The following PEX11G variants were observed in gnomAD, a reference collection of about 807,000 sequenced individuals.
PEX11G encodes peroxisomal membrane protein 11C.
Under a neutral mutation model 22.5 loss-of-function variants are expected in PEX11G, and 20 were observed. The ratio of observed to expected loss-of-function variants is 0.89; its 90% CI spans 0.62 to 1.29. PEX11G has a LOEUF of 1.29. PEX11G is among the 50% of genes most tolerant of loss of function. The pLI, the probability that PEX11G is intolerant of heterozygous loss-of-function variation, is 0.00. For missense variants in PEX11G, 347 were observed against 331.3 expected, an observed-to-expected ratio of 1.05 and a Z score of -0.37; for synonymous variants, 141 against 154.5, an observed-to-expected ratio of 0.91 and a Z score of 0.65.
intron 4 of PEX11G, among the ~76,000 whole-genome samples, chr19:7,477,753 G>A (rs992672577): frequency 6.6e-6 from 1 of 152,242 alleles, no homozygotes; most frequent in Non-Finnish European, 1.5e-5. Flanking sequence ...TGGAGGGAAG[G>A]GGGAACCCCC....
chr19:7,477,384 C>A lies in PEX11G; in HGVS notation c.544G>T (p.Ala182Ser). The A allele has an allele frequency of 1.3e-6, 2 of 1,548,700 alleles. No homozygotes were observed. Among genetic ancestry groups the A allele is most frequent in the Admixed American group, 2.0e-5 (1 of 50,422 alleles). Reference sequence around the variant, plus strand: ...GCCAGGTTGCTGAGAAGTGACAGCGCCTCCGACTGCATCTGCGCCTCCATG... The same window carrying A: ...GCCAGGTTGCTGAGAAGTGACAGCGACTCCGACTGCATCTGCGCCTCCATG... ...RAMEAQMQSE[A>S]LSLLSNLADL... The change falls in exon 5 of 5, where the codon GCG (alanine) becomes TCG (serine). Residue 182 changes from alanine (A) to serine (S), a missense_variant. Ala to Ser is a moderately conservative substitution (Grantham distance 99). Transcript: ENST00000221480.
At chr19:7,489,354 G>C, upstream of PEX11G, 1 of 1,095,498 alleles carries the variant, frequency 9.1e-7, no homozygotes, top group Non-Finnish European at 1.1e-6. Flanking sequence ...CAACCTGTTC[G>C]CAGTGGTTCA....
intron 3 of PEX11G, among the ~76,000 whole-genome samples, chr19:7,478,840 C>T (rs1599207442): frequency 6.6e-6 from 1 of 152,242 alleles, no homozygotes; most frequent in Non-Finnish European, 1.5e-5. Flanking sequence ...TGCACACACA[C>T]CCCGGACATT....
upstream of PEX11G, among the ~76,000 whole-genome samples, chr19:7,490,273 T>C (rs1228543274): frequency 6.6e-6 from 1 of 152,182 alleles, no homozygotes; most frequent in African/African-American, 2.4e-5. Context: ...TCTCTTGGCA[T>C]CTCCCATGTA....
rs367893767 is a variant in PEX11G at position 7,477,191 on chromosome 19, T to C, written c.*11A>G. On this transcript the variant is annotated 3_prime_UTR_variant, in exon 5 of 5. Coordinates refer to ENST00000221480, the MANE Select transcript of PEX11G (RefSeq NM_080662.4). ...GGGCTCTGGCTGTGTCCCTGTGCTC[T>C]TCCGGCAGTGTCAGGGGGTAGTGGC... 12 of 1,466,390 alleles carry C rather than the reference T, an allele frequency of 8.2e-6. No homozygotes were observed. In the African/African-American group the frequency reaches 1.4e-4, roughly 18 times the overall value. The allele number at this position is 1,466,390 out of a possible 1,614,324, so 90.8% of individuals were successfully genotyped here.
intron 1 of PEX11G, among the ~76,000 whole-genome samples, chr19:7,487,751 C>T (rs1283335550): frequency 6.6e-6 from 1 of 152,156 alleles, no homozygotes; most frequent in Non-Finnish European, 1.5e-5. Context: ...ACCTGCTTTT[C>T]AGAAATTGCT....
intron 2 of PEX11G, among the ~76,000 whole-genome samples, chr19:7,485,460 A>G (rs2145972435): frequency 6.6e-6 from 1 of 151,974 alleles, no homozygotes; most frequent in East Asian, 1.9e-4. Flanking sequence ...GGTTCAGGCC[A>G]TTCTCCTGCC....
Position 7,478,344 on chromosome 19 carries a change from C to G in PEX11G, c.461G>C (p.Arg154Thr). The change falls in exon 4 of 5, where the codon AGG (arginine) becomes ACG (threonine). Residue 154 changes from arginine (R) to threonine (T), a missense_variant. By Grantham distance (71) the Arg-to-Thr change is moderately conservative. Transcript: ENST00000221480. Reference sequence around the variant, plus strand: ...GAAGGGCGCCGTGGGGCTCCGCAGCCTCTGTCTCAGTTTCAGCAGCATCCA... The same window carrying G: ...GAAGGGCGCCGTGGGGCTCCGCAGCGTCTGTCTCAGTTTCAGCAGCATCCA... The part of the protein sequence containing the change: ...SLWMLLKLRQ[R>T]LRSPTAPFTS... 2 of 1,611,372 alleles carry G rather than the reference C, an allele frequency of 1.2e-6. No homozygotes were observed. The highest frequency in any genetic ancestry group is 1.3e-5 in the African/African-American group (1 of 75,042).
chr19:7,481,914 C>CT (rs1456261913), intron 3 of PEX11G, 119 bp downstream of exon 3: 2 of 1,032,202 alleles, frequency 1.9e-6, no homozygotes, highest in Admixed American at 3.0e-5. Context: ...AAGGAAAACT[C>CT]TAAGAGGCAA....
intron 1 of PEX11G, among the ~76,000 whole-genome samples, chr19:7,494,866 C>T (rs1435922762): frequency 6.6e-6 from 1 of 152,224 alleles, no homozygotes; most frequent in Non-Finnish European, 1.5e-5. Context: ...AAAACACGAA[C>T]ACTGTCCACA....
At chr19:7,489,037 T>C (rs369849275), upstream of PEX11G, 61 of 1,495,988 alleles carry the variant, frequency 4.1e-5, 1 homozygote, top group South Asian at 3.4e-4. Context: ...CACCGCGACG[T>C]CGGCGCGCCG....
At chr19:7,477,787 G>A (rs941985199) in intron 4 of PEX11G, among the ~76,000 whole-genome samples, 10 of 152,316 alleles carry the variant, frequency 6.6e-5, no homozygotes, top group East Asian at 1.9e-4. Flanking sequence ...GTGCCTGCCC[G>A]GCCTTTCTTT....
chr19:7,480,785 C>T (rs935067124), intron 3 of PEX11G, among the ~76,000 whole-genome samples: 37 of 152,158 alleles, frequency 2.4e-4, no homozygotes, highest in African/African-American at 8.9e-4. Context: ...CCGCACCTCA[C>T]CCCAGCGATC....
intron 1 of PEX11G, among the ~76,000 whole-genome samples, chr19:7,486,356 A>G (rs897132643): frequency 1.3e-5 from 2 of 151,958 alleles, no homozygotes; most frequent in Admixed American, 6.6e-5. Context: ...CAAACTCATA[A>G]CCTCAGTGAT....
intron 1 of PEX11G, among the ~76,000 whole-genome samples, chr19:7,487,543 C>T (rs113466163): frequency 0.016 from 2,482 of 152,238 alleles, 69 homozygotes; most frequent in African/African-American, 0.056. Context: ...CCGCCTCAGC[C>T]TTCCAAGTAG....
intron 1 of PEX11G, among the ~76,000 whole-genome samples, chr19:7,487,019 C>T (rs2021691113): frequency 6.6e-6 from 1 of 151,658 alleles, no homozygotes; most frequent in African/African-American, 2.4e-5. Context: ...TACACTCCAG[C>T]CTGGGCAACA....
intron 1 of PEX11G, 111 bp downstream of exon 1, chr19:7,488,840 C>T: frequency 1.8e-6 from 2 of 1,098,664 alleles, no homozygotes. Context: ...TCGGACGGGG[C>T]CTCTGCGACG....
chr19:7,477,523 C>T, intron 4 of PEX11G, 87 bp from the exon 5 acceptor site: 1 of 1,111,856 alleles, frequency 9.0e-7, no homozygotes, highest in Non-Finnish European at 1.2e-6. Context: ...GGCCTGGCAG[C>T]CCTGAGCCCC....
At chr19:7,493,620 C>T (rs2021927615), upstream of PEX11G, among the ~76,000 whole-genome samples, 1 of 152,082 alleles carries the variant, frequency 6.6e-6, no homozygotes, top group Non-Finnish European at 1.5e-5. Flanking sequence ...ATCCTCCATC[C>T]TCAGCCTCCC....
Sources: allele counts gnomAD v4.1 joint callset (sites outside exome capture counted in the v4.1 genomes callset), GRCh38; gene constraint gnomAD v4.1.1; transcripts MANE v1.5; gene names NCBI Gene and HGNC (gene_info 2026-07-23, HGNC 2026-07-21).